The following GRID2 variants were observed in gnomAD, a reference collection of about 807,000 sequenced individuals.
GRID2 encodes the protein glutamate receptor ionotropic, delta-2.
GRID2 carries 33 observed loss-of-function variants against 114.8 expected under a neutral mutation model. That is an observed-to-expected ratio of 0.29 (90% confidence interval 0.22 to 0.38). The LOEUF is 0.38. Ranked by LOEUF, GRID2 falls within the 10% of genes least tolerant of loss-of-function variation. The pLI is 1.00. For synonymous variants in GRID2, 505 were observed against 449.9 expected (o/e 1.12, Z -1.55); for missense variants, 1,184 against 1,257.7 (o/e 0.94, Z 0.89).
intron 1 of GRID2, among the ~76,000 whole-genome samples, chr4:92,389,118 G>A (rs1730124120): frequency 6.6e-6 from 1 of 151,972 alleles, no homozygotes; most frequent in South Asian, 2.1e-4. Context: ...GAAGTTTGGT[G>A]TTTTAGGAAG....
chr4:92,453,462 T>C (rs1721052566), intron 1 of GRID2, among the ~76,000 whole-genome samples: 1 of 152,182 alleles, frequency 6.6e-6, no homozygotes, highest in African/African-American at 2.4e-5. Flanking sequence ...GTATATGTAT[T>C]CATATACATA....
intron 2 of GRID2, among the ~76,000 whole-genome samples, chr4:92,859,165 T>G (rs1308721150): frequency 6.6e-6 from 1 of 152,120 alleles, no homozygotes; most frequent in Non-Finnish European, 1.5e-5. Flanking sequence ...CCCCCCAACC[T>G]TCAGCAACCA....
At position 92,470,832 on chromosome 4, in the gene GRID2, G is replaced by A. The variant is rs577277756; in HGVS notation, c.89-119299G>A. ...ATTATCTCTTTAACACAGTAAGCCA[G>A]AATAATATATATGATTTTTCCCATT... On this transcript the variant is annotated intron_variant, in intron 1 of 15. Transcript: ENST00000282020. Among the ~76,000 whole-genome samples the A allele has an allele frequency of 3.3e-5, 5 of 152,098 alleles. No homozygotes were observed. The East Asian group carries it at 9.6e-4, about 29-fold the overall frequency.
At chr4:92,632,826 G>T (rs9968392) in intron 2 of GRID2, among the ~76,000 whole-genome samples, 59,160 of 151,826 alleles carry the variant, frequency 0.39, 12,059 homozygotes, top group African/African-American at 0.52. Context: ...AAAGTAGATT[G>T]GGTTAATTAA....
At chr4:93,395,521 A>G (rs1765243213) in intron 8 of GRID2, 86 bp from the exon 9 acceptor site, 3 of 674,386 alleles carry the variant, frequency 4.4e-6, no homozygotes, top group Non-Finnish European at 8.2e-6. Context: ...TCTAAGAGCT[A>G]TCACATAGTT....
intron 11 of GRID2, among the ~76,000 whole-genome samples, chr4:93,482,743 GA>G: frequency 6.6e-6 from 1 of 151,858 alleles, no homozygotes; most frequent in Middle Eastern, 3.4e-3. Flanking sequence ...ATTGTAAATG[GA>G]ACAACTTACT....
chr4:93,049,278 T>G lies in GRID2; in HGVS notation c.245-35717T>G, dbSNP rs186638363. Among the ~76,000 whole-genome samples, 22 of 152,176 alleles carry G rather than the reference T, an allele frequency of 1.4e-4. No homozygotes were observed. The East Asian group carries it at 4.2e-3, about 29-fold the overall frequency. ...TGCCACCTAACAGCATTCTCATTTA[T>G]TTATGTAACAAATAAAAATGCAAGA... On this transcript the variant is annotated intron_variant, in intron 2 of 15. Transcript: ENST00000282020.
chr4:92,454,246 C>G (rs1022895580), intron 1 of GRID2, among the ~76,000 whole-genome samples: 1 of 152,076 alleles, frequency 6.6e-6, no homozygotes, highest in Non-Finnish European at 1.5e-5. Flanking sequence ...TTATTGGACA[C>G]CTGGCTTCAA....
At chr4:93,146,226 T>A (rs1448275870) in intron 4 of GRID2, among the ~76,000 whole-genome samples, 3 of 152,128 alleles carry the variant, frequency 2.0e-5, no homozygotes, top group Admixed American at 6.6e-5. Context: ...GCAGACTAAT[T>A]TTATTCATGA....
At chr4:93,365,426 A>G (rs1365638041) in intron 8 of GRID2, among the ~76,000 whole-genome samples, 2 of 152,198 alleles carry the variant, frequency 1.3e-5, no homozygotes. Context: ...TTCCATGTAT[A>G]GGTTTTTGAC....
intron 13 of GRID2, among the ~76,000 whole-genome samples, chr4:93,621,596 A>C (rs1306101534): frequency 6.6e-6 from 1 of 152,184 alleles, no homozygotes; most frequent in Non-Finnish European, 1.5e-5. Context: ...ATGGATTGAA[A>C]ATTTTTAGGC....
chr4:92,811,396 T>G (rs1740656766), intron 2 of GRID2, among the ~76,000 whole-genome samples: 2 of 152,116 alleles, frequency 1.3e-5, no homozygotes, highest in African/African-American at 4.8e-5. Context: ...GTAAAATTGC[T>G]TTCTTTACTG....
chr4:92,498,372 G>A (rs1329002418), intron 1 of GRID2, among the ~76,000 whole-genome samples: 1 of 151,764 alleles, frequency 6.6e-6, no homozygotes, highest in Non-Finnish European at 1.5e-5. Flanking sequence ...TGCAGTAAGA[G>A]CATATATGTG....
intron 13 of GRID2, among the ~76,000 whole-genome samples, chr4:93,529,967 C>A (rs1731282801): frequency 6.6e-6 from 1 of 152,090 alleles, no homozygotes; most frequent in Non-Finnish European, 1.5e-5. Flanking sequence ...TTCTTTATTT[C>A]TGTTAAAAGC....
At chr4:93,068,887 G>T (rs1362169825) in intron 2 of GRID2, among the ~76,000 whole-genome samples, 1 of 151,980 alleles carries the variant, frequency 6.6e-6, no homozygotes, top group African/African-American at 2.4e-5. Context: ...TCATGGTTCT[G>T]CAGGCTATAC....
chr4:92,622,918 G>A (rs961022786), intron 2 of GRID2, among the ~76,000 whole-genome samples: 3 of 151,668 alleles, frequency 2.0e-5, no homozygotes, highest in African/African-American at 7.2e-5. Context: ...GTTTTTAAAT[G>A]CCATATTTAT....
At chr4:92,439,572 C>A (rs866593914) in intron 1 of GRID2, among the ~76,000 whole-genome samples, 2 of 150,036 alleles carry the variant, frequency 1.3e-5, no homozygotes, top group African/African-American at 2.4e-5. Context: ...AGAGATTAAG[C>A]TGAAGGGAGG....
chr4:93,714,599 T>G (rs1560936103), intron 14 of GRID2, among the ~76,000 whole-genome samples: 3 of 152,188 alleles, frequency 2.0e-5, no homozygotes, highest in Non-Finnish European at 4.4e-5. Flanking sequence ...TCTGTTGTTT[T>G]TTGACTTTTT....
At chr4:92,361,247 AT>A (rs1159657697) in intron 1 of GRID2, among the ~76,000 whole-genome samples, 1 of 152,044 alleles carries the variant, frequency 6.6e-6, no homozygotes, top group Non-Finnish European at 1.5e-5. Flanking sequence ...CAAATACTTT[AT>A]TTAACCTTCG....
Sources: allele counts gnomAD v4.1 joint callset (sites outside exome capture counted in the v4.1 genomes callset), GRCh38; gene constraint gnomAD v4.1.1; transcripts MANE v1.5; gene names NCBI Gene and HGNC (gene_info 2026-07-23, HGNC 2026-07-21).